The following LETM1 variants were observed in gnomAD, a reference collection of about 807,000 sequenced individuals.
LETM1 encodes mitochondrial proton/calcium exchanger protein.
LETM1 carries 50 observed loss-of-function variants against 74.5 expected under a neutral mutation model. The ratio of observed to expected loss-of-function variants is 0.67; its 90% CI spans 0.53 to 0.85. The LOEUF (loss-of-function observed/expected upper bound fraction) is 0.85. Ranked by LOEUF, LETM1 falls within the 40% of genes least tolerant of loss-of-function variation. The probability of loss-of-function intolerance (pLI) is 0.00; values close to 1 mark genes in which losing one functional copy is unlikely to be tolerated. For synonymous variants in LETM1, 446 were observed against 407.1 expected, an observed-to-expected ratio of 1.10 and a Z score of -1.15; for missense variants, 824 against 967.8, an observed-to-expected ratio of 0.85 and a Z score of 1.97.
At chr4:1,825,806 C>T (rs1387819092) in intron 6 of LETM1, 123 bp from the exon 7 acceptor site, 1 of 1,146,376 alleles carries the variant, frequency 8.7e-7, no homozygotes, top group Admixed American at 2.2e-5. Context: ...ACCACGGCCA[C>T]CAAAGCCCAG....
At position 1,834,607 on chromosome 4, in the gene LETM1, A is replaced by G; in HGVS notation, c.876+238T>C. On this transcript the variant is annotated intron_variant, in intron 5 of 13. Coordinates refer to ENST00000302787, the MANE Select transcript of LETM1 (RefSeq NM_012318.3). The surrounding 1 kb of genome is among the most constrained non-coding windows in gnomAD (Gnocchi z 5.0). ...CTGGACAGCTGCAGGGTGATGAGAC[A>G]CAGACGCCCATAATTCTGAAGGCTG... 1.5e-6 allele frequency: 2 copies of G among 1,348,850 alleles called. No individual in the cohort carries two copies. The highest frequency in any genetic ancestry group is 1.9e-6 in the Non-Finnish European group (2 of 1,049,142). 83.6% of individuals were successfully genotyped at this position (1,348,850 alleles called of 1,614,324 possible). A position where few individuals can be genotyped will look rare whatever the true frequency, so the allele number is the denominator to read the frequency against.
chr4:1,814,446 T>TCCTTCTCTG lies in LETM1; in HGVS notation c.2189_2197dup (p.Ala730_Lys732dup), dbSNP rs1351660069. ...GTTCTAGCTCTTCACCTCTGCGACC[T>TCCTTCTCTG]CCTTCTCTGCCTTCTCTTTGGCCTT... On this transcript the variant is annotated inframe_insertion, in exon 14 of 14. Coordinates refer to ENST00000302787, the MANE Select transcript of LETM1 (RefSeq NM_012318.3). The TCCTTCTCTG allele has an allele frequency of 6.2e-7, 1 of 1,614,096 alleles. No homozygotes were observed. The highest frequency in any genetic ancestry group is 8.5e-7 in the Non-Finnish European group (1 of 1,180,030).
intron 8 of LETM1, 97 bp downstream of exon 8, chr4:1,823,547 G>A (rs1711870558): frequency 6.7e-7 from 1 of 1,503,418 alleles, no homozygotes; most frequent in East Asian, 2.3e-5. Context: ...CTCGCCCATG[G>A]TTGAGGAATG....
In LETM1 at chr4:1,813,289, G is replaced by A. The variant is rs1722522976; in HGVS notation, c.*1135C>T. On this transcript the variant is annotated 3_prime_UTR_variant, in exon 14 of 14. Transcript: ENST00000302787. ...CTGTCTTCCAAATCCTATGCTTGGA[G>A]GCCCCTGGAGGTACATTTTTGCCAG... The A allele has an allele frequency of 6.6e-6, 1 of 152,358 alleles. No homozygotes were observed. Among genetic ancestry groups the A allele is most frequent in the African/African-American group, 2.4e-5 (1 of 41,450 alleles). 9.4% of individuals were successfully genotyped at this position (152,358 alleles called of 1,614,324 possible). A position where few individuals can be genotyped will look rare whatever the true frequency, so the allele number is the denominator to read the frequency against.
At chr4:1,844,520 C>A (rs1712813159) in intron 2 of LETM1, among the ~76,000 whole-genome samples, 1 of 152,132 alleles carries the variant, frequency 6.6e-6, no homozygotes, top group African/African-American at 2.4e-5. Context: ...TCACTTGAGG[C>A]TGGGAGTTCA....
At chr4:1,828,816 C>T (rs1302147267) in intron 6 of LETM1, among the ~76,000 whole-genome samples, 1 of 85,020 alleles carries the variant, frequency 1.2e-5, no homozygotes, top group African/African-American at 4.6e-5. Context: ...GGGGGGCTGA[C>T]CCCCCCCACC....
At chr4:1,846,391 T>A (rs1712884606) in intron 2 of LETM1, 1 of 152,016 alleles carries the variant, frequency 6.6e-6, no homozygotes, top group African/African-American at 2.4e-5. Flanking sequence ...CTCAGCCTCC[T>A]GAGTAGCTGG....
intron 1 of LETM1, among the ~76,000 whole-genome samples, chr4:1,854,137 T>A (rs1341805701): frequency 2.6e-5 from 4 of 152,090 alleles, no homozygotes; most frequent in Non-Finnish European, 4.4e-5. Flanking sequence ...CCACTCAACA[T>A]CCTCTCACCA....
rs753632622 is a variant in LETM1 at position 1,816,741 on chromosome 4, G to A, written c.1917C>T (p.Asn639=). 44 of 1,613,892 alleles carry A rather than the reference G, an allele frequency of 2.7e-5. No individual in the cohort carries two copies. In the Admixed American group the frequency reaches 2.8e-4, roughly 10 times the overall value. Reference sequence around the variant, plus strand: ...ACCCCACTCACCCCGTGGGCATGCCGTTGGCCGGGGCCAGCTTGCCAGCCT... The same window carrying A: ...ACCCCACTCACCCCGTGGGCATGCCATTGGCCGGGGCCAGCTTGCCAGCCT... The part of the protein sequence containing the change: ...DQQAGKLAPA[N]GMPTGENVIS... The change falls in exon 12 of 14, where the codon AAC becomes AAT. Residue 639 remains asparagine, a synonymous_variant. Transcript: ENST00000302787.
intron 2 of LETM1, among the ~76,000 whole-genome samples, chr4:1,848,650 AG>A (rs1712963497): frequency 7.6e-6 from 1 of 132,314 alleles, no homozygotes; most frequent in African/African-American, 2.8e-5. Flanking sequence ...TGGGAGGCGG[AG>A]GTTGCAGTGA....
chr4:1,815,432 C>A (rs1365219837), intron 13 of LETM1, among the ~76,000 whole-genome samples: 1 of 152,240 alleles, frequency 6.6e-6, no homozygotes, highest in Non-Finnish European at 1.5e-5. Flanking sequence ...TGCGTAGCCA[C>A]TAGGTGCGTT....
chr4:1,837,352 A>C (rs1424880258), intron 3 of LETM1, among the ~76,000 whole-genome samples: 1 of 152,190 alleles, frequency 6.6e-6, no homozygotes, highest in African/African-American at 2.4e-5. Flanking sequence ...TCATGGGCAC[A>C]AAACAGTGGC....
Position 1,836,241 on chromosome 4 carries a change from A to G in LETM1, c.738+188T>C, listed in dbSNP as rs551077984. Among the ~76,000 whole-genome samples the G allele has an allele frequency of 6.6e-6, 1 of 152,290 alleles. No individual in the cohort carries two copies. Among genetic ancestry groups the G allele is most frequent in the Admixed American group, 6.5e-5 (1 of 15,286 alleles). ...TCAAAAATAAATAAATAAATAAATAAATAACGAAATAAAGAGAAACAAATC... is the reference window on the plus strand; with the variant it reads ...TCAAAAATAAATAAATAAATAAATAGATAACGAAATAAAGAGAAACAAATC... On this transcript the variant is annotated intron_variant, in intron 4 of 13. Coordinates refer to ENST00000302787, the MANE Select transcript of LETM1 (RefSeq NM_012318.3). This position sits in a 1 kb window ranked among gnomAD's most constrained non-coding sequence, Gnocchi z 5.8.
At chr4:1,828,683 G>A (rs1325916023) in intron 6 of LETM1, among the ~76,000 whole-genome samples, 12 of 135,052 alleles carry the variant, frequency 8.9e-5, no homozygotes, top group Admixed American at 2.1e-4. Context: ...TGGGCGGGGG[G>A]CTGACCCCCC....
chr4:1,816,031 C>T (rs937313657), intron 12 of LETM1, among the ~76,000 whole-genome samples: 1 of 152,284 alleles, frequency 6.6e-6, no homozygotes, highest in Non-Finnish European at 1.5e-5. Flanking sequence ...TCCAGGGTTT[C>T]CACGGGCATG....
chr4:1,828,496 GC>G, intron 6 of LETM1, among the ~76,000 whole-genome samples: 1 of 123,098 alleles, frequency 8.1e-6, no homozygotes, highest in Non-Finnish European at 1.7e-5. Flanking sequence ...GGCTGGCCGG[GC>G]AGGGGGGCTG....
chr4:1,816,946 G>A, intron 11 of LETM1, 32 bp from the exon 12 acceptor site: 2 of 1,588,932 alleles, frequency 1.3e-6, no homozygotes, highest in South Asian at 1.1e-5. Context: ...TAAAAAGTTT[G>A]TCTTAAAAGA....
chr4:1,835,654 G>A (rs1489208575), intron 4 of LETM1, among the ~76,000 whole-genome samples: 1 of 152,148 alleles, frequency 6.6e-6, no homozygotes, highest in East Asian at 1.9e-4. Flanking sequence ...GGTCCCCACA[G>A]GGCTCTGCTG....
At chr4:1,828,196 C>T (rs1712080731) in intron 6 of LETM1, among the ~76,000 whole-genome samples, 2 of 130,472 alleles carry the variant, frequency 1.5e-5, no homozygotes, top group Non-Finnish European at 1.7e-5. Flanking sequence ...CCTCACCTCC[C>T]GGACGGGGCG....
Sources: allele counts gnomAD v4.1 joint callset (sites outside exome capture counted in the v4.1 genomes callset), GRCh38; gene constraint gnomAD v4.1.1; non-coding constraint Gnocchi (gnomAD v3.1); transcripts MANE v1.5; gene names NCBI Gene and HGNC (gene_info 2026-07-23, HGNC 2026-07-21).